The following UBE2G2 variants were observed in gnomAD, a reference collection of about 807,000 sequenced individuals.
UBE2G2 encodes ubiquitin-conjugating enzyme E2 G2.
In UBE2G2, 10 loss-of-function variants were observed where a neutral mutation model predicts 23.0. The observed-to-expected ratio is 0.43, with a 90% CI of 0.27 to 0.74. The LOEUF (loss-of-function observed/expected upper bound fraction) is 0.74. Ranked by LOEUF, UBE2G2 falls within the 30% of genes least tolerant of loss-of-function variation. The pLI, the probability that UBE2G2 is intolerant of heterozygous loss-of-function variation, is 0.19. For synonymous variants in UBE2G2, 86 were observed against 81.3 expected (o/e 1.06, Z -0.31); for missense variants, 150 against 218.3 (o/e 0.69, Z 1.97).
chr21:44,784,701 A>T (rs2146394164), intron 3 of UBE2G2, among the ~76,000 whole-genome samples: 1 of 152,268 alleles, frequency 6.6e-6, no homozygotes, highest in Middle Eastern at 3.4e-3. Context: ...GGGAGCCCTC[A>T]AGCTGGCTGC....
At position 44,777,498 on chromosome 21, in the gene UBE2G2, A is replaced by G. The variant is rs556567921; in HGVS notation, c.126-81T>C. 2.2e-5 allele frequency: 31 copies of G among 1,432,598 alleles called. No homozygotes were observed. The African/African-American group carries it at 3.4e-4, about 16-fold the overall frequency. The allele number at this position is 1,432,598 out of a possible 1,614,324, so 88.7% of individuals were successfully genotyped here. A position where few individuals can be genotyped will look rare whatever the true frequency, so the allele number is the denominator to read the frequency against. ...CACAATTGACAAATGGGTTAAGAAC[A>G]TTTTTACCACTTTAAAAATGCACGT... On this transcript the variant is annotated intron_variant, in intron 3 of 5. Coordinates refer to ENST00000345496, the MANE Select transcript of UBE2G2 (RefSeq NM_003343.6).
At position 44,773,694 on chromosome 21, in the gene UBE2G2, G is replaced by A. The variant is rs2082891459; in HGVS notation, c.245-7C>T. 6.2e-7 allele frequency: 1 copy of A among 1,610,778 alleles called. No individual in the cohort carries two copies. On this transcript the variant is annotated splice_polypyrimidine_tract_variant and splice_region_variant and intron_variant, in intron 4 of 5. Transcript: ENST00000345496. ...ACTCTCCCATCAGGGTAGACTGCAA[G>A]GGTCAGAGGCAGCCAAGTGAGCCCA...
At chr21:44,777,459 T>G in intron 3 of UBE2G2, 42 bp from the exon 4 acceptor site, 1 of 1,584,606 alleles carries the variant, frequency 6.3e-7, no homozygotes, top group South Asian at 1.1e-5. Flanking sequence ...CAAAGTACAT[T>G]TTTCAACGTC....
At position 44,801,810 on chromosome 21, in the gene UBE2G2, C is replaced by T; in HGVS notation, c.-62G>A. The T allele has an allele frequency of 6.7e-7, 1 of 1,486,816 alleles. No individual in the cohort carries two copies. The highest frequency in any genetic ancestry group is 8.9e-7 in the Non-Finnish European group (1 of 1,123,010). The allele number at this position is 1,486,816 out of a possible 1,614,324, so 92.1% of individuals were successfully genotyped here. ...GCCGCGCGCGTGCCTCCTGCCCCGA[C>T]ACCGGGGACTGCTTCCGGGCCACCG... On this transcript the variant is annotated 5_prime_UTR_variant, in exon 1 of 6. Coordinates refer to ENST00000345496, the MANE Select transcript of UBE2G2 (RefSeq NM_003343.6).
intron 3 of UBE2G2, among the ~76,000 whole-genome samples, chr21:44,779,498 C>T (rs553665597): frequency 6.1e-5 from 9 of 147,550 alleles, no homozygotes; most frequent in Non-Finnish European, 4.5e-5. Flanking sequence ...GGACAGTGCC[C>T]GGATGAGTAC....
At chr21:44,783,072 C>A (rs1472657924) in intron 3 of UBE2G2, among the ~76,000 whole-genome samples, 2 of 152,172 alleles carry the variant, frequency 1.3e-5, no homozygotes, top group Non-Finnish European at 2.9e-5. Context: ...AAACTCTTAA[C>A]GTTCCATCAA....
intron 1 of UBE2G2, 74 bp from the exon 2 acceptor site, chr21:44,788,169 C>A (rs1054152700): frequency 1.4e-6 from 2 of 1,395,240 alleles, no homozygotes; most frequent in Non-Finnish European, 2.0e-6. Context: ...AACACCTTTA[C>A]AAAATATATA....
At chr21:44,783,817 T>C (rs1012823522) in intron 3 of UBE2G2, among the ~76,000 whole-genome samples, 9 of 152,348 alleles carry the variant, frequency 5.9e-5, no homozygotes, top group South Asian at 4.1e-4. Flanking sequence ...CACTAACTTT[T>C]ATACTTAATG....
chr21:44,779,553 C>T (rs782640259), intron 3 of UBE2G2, among the ~76,000 whole-genome samples: 12 of 151,992 alleles, frequency 7.9e-5, no homozygotes, highest in African/African-American at 2.7e-4. Flanking sequence ...AGCCTGGGGA[C>T]GCCTCAAGCC....
At chr21:44,778,212 C>G (rs1379138610) in intron 3 of UBE2G2, among the ~76,000 whole-genome samples, 1 of 152,160 alleles carries the variant, frequency 6.6e-6, no homozygotes, top group Non-Finnish European at 1.5e-5. Flanking sequence ...TTAAACGTGC[C>G]CAAGAAGGCA....
chr21:44,786,954 C>T (rs538683528), intron 3 of UBE2G2, among the ~76,000 whole-genome samples: 7 of 152,002 alleles, frequency 4.6e-5, no homozygotes, highest in South Asian at 2.1e-4. Context: ...TAGCCAGGCA[C>T]GGTGGTGGGT....
chr21:44,794,631 T>A (rs1418654106), intron 1 of UBE2G2, among the ~76,000 whole-genome samples: 1 of 151,596 alleles, frequency 6.6e-6, no homozygotes, highest in African/African-American at 2.4e-5. Flanking sequence ...ACCTCCCAAG[T>A]TCACGCCATT....
At chr21:44,794,771 T>C (rs914904830) in intron 1 of UBE2G2, among the ~76,000 whole-genome samples, 1 of 152,114 alleles carries the variant, frequency 6.6e-6, no homozygotes, top group African/African-American at 2.4e-5. Context: ...CCTGACCTCG[T>C]GATCCGCCCA....
rs561119890 is a variant in UBE2G2 at position 44,795,005 on chromosome 21, T to C, written c.43+6701A>G. Among the ~76,000 whole-genome samples the C allele has an allele frequency of 1.7e-4, 26 of 152,244 alleles. 1 individual carries two copies. The East Asian group carries it at 4.6e-3, about 27-fold the overall frequency. On this transcript the variant is annotated intron_variant, in intron 1 of 5. Transcript: ENST00000345496. ...AGTAAGGGCCGGGGGCTGTGGCTCA[T>C]GCCCGTAAATCCCAGCACTTTGGGA...
chr21:44,783,325 G>A (rs2082970540), intron 3 of UBE2G2, among the ~76,000 whole-genome samples: 1 of 152,192 alleles, frequency 6.6e-6, no homozygotes, highest in Non-Finnish European at 1.5e-5. Flanking sequence ...AATGCAAAAT[G>A]GTGAGCTACT....
chr21:44,789,666 A>AAAAATCAAAAT (rs2083028513), intron 1 of UBE2G2, among the ~76,000 whole-genome samples: 1 of 152,116 alleles, frequency 6.6e-6, no homozygotes, highest in Non-Finnish European at 1.5e-5. Flanking sequence ...CACCACATAT[A>AAAAATCAAAAT]AAAATCAAAA....
chr21:44,776,312 T>C (rs2082912811), intron 4 of UBE2G2, among the ~76,000 whole-genome samples: 1 of 152,088 alleles, frequency 6.6e-6, no homozygotes, highest in Non-Finnish European at 1.5e-5. Flanking sequence ...ATATTAATTT[T>C]AGGGCAAAAA....
At position 44,773,583 on chromosome 21, in the gene UBE2G2, C is replaced by T. The variant is rs2082890231; in HGVS notation, c.349G>A (p.Glu117Lys). ...AERWSPVQSV[E>K]KILLSVVSML... is the part of the protein sequence containing the mutation. ...CTCACCACCGACAGCAGGATCTTCT[C>T]CACACTCTGCACAGGACTCCACCGC... The change falls in exon 5 of 6, where the codon GAG (glutamate) becomes AAG (lysine). Residue 117 changes from glutamate to lysine, a missense_variant. Transcript: ENST00000345496. 6.2e-7 allele frequency: 1 copy of T among 1,611,036 alleles called. No homozygotes were observed.
chr21:44,786,827 CACACCTGTTAT>C, intron 3 of UBE2G2, among the ~76,000 whole-genome samples: 2 of 152,342 alleles, frequency 1.3e-5, no homozygotes, highest in Middle Eastern at 6.8e-3. Context: ...CGCGGTGGCT[CACACCTGTTAT>C]CCCAGCACTC....
Sources: allele counts gnomAD v4.1 joint callset (sites outside exome capture counted in the v4.1 genomes callset), GRCh38; gene constraint gnomAD v4.1.1; transcripts MANE v1.5; gene names NCBI Gene and HGNC (gene_info 2026-07-23, HGNC 2026-07-21).